CRY1: variants seen among roughly 807,000 people sequenced by gnomAD.
The protein encoded by CRY1 is cryptochrome-1.
In CRY1, 45 loss-of-function variants were observed where a neutral mutation model predicts 76.0. That is an observed-to-expected ratio of 0.59 (90% CI 0.47 to 0.76). The LOEUF is 0.76. Among genes scored for constraint, CRY1 ranks in the 30% least tolerant of loss-of-function variants. The pLI is 0.00. For missense variants in CRY1, 587 were observed against 716.4 expected (o/e 0.82, Z 2.06); for synonymous variants, 248 against 244.0 (o/e 1.02, Z -0.15).
rs1035159310 is a variant in CRY1, at chr12:107,093,518, G to A, written c.-557C>T. 2.6e-5 allele frequency: 4 copies of A among 152,334 alleles called. No homozygotes were observed. The highest frequency in any genetic ancestry group is 6.5e-5 in the Admixed American group (1 of 15,290). 9.4% of individuals were successfully genotyped at this position (152,334 alleles called of 1,614,324 possible). A position where few individuals can be genotyped will look rare whatever the true frequency, so the allele number is the denominator to read the frequency against. On this transcript the variant is annotated 5_prime_UTR_variant, in exon 1 of 13. Transcript: ENST00000008527. ...GAGGCCGCTGGACGGTTGCCGGCCG[G>A]TGACCGGTCCCGAGGCTGCCCGGGT... is the stretch of plus-strand genomic sequence containing the variant.
intron 2 of CRY1, among the ~76,000 whole-genome samples, chr12:107,014,262 G>C (rs1212178599): frequency 6.6e-6 from 1 of 152,172 alleles, no homozygotes; most frequent in Non-Finnish European, 1.5e-5. Context: ...CTGTCCACCA[G>C]GTGGCATAGA....
intron 2 of CRY1, among the ~76,000 whole-genome samples, chr12:107,009,563 CATATAT>C (rs869185018): frequency 6.4e-4 from 58 of 90,962 alleles, no homozygotes; most frequent in South Asian, 2.7e-3. Context: ...AACAAAAAAA[CATATAT>C]ATATATATAT....
At position 107,082,143 on chromosome 12, in the gene CRY1, A is replaced by G. The variant is rs1254504029; in HGVS notation, c.158+10661T>C. ...GTAAATGGATCAATGTAACAAGAAG[A>G]GCAAATTATCTTAAATATATATATG... On this transcript the variant is annotated intron_variant, in intron 1 of 12. Transcript: ENST00000008527. Among the ~76,000 whole-genome samples, 9 of 152,138 alleles carry G rather than the reference A, an allele frequency of 5.9e-5. No homozygotes were observed. The East Asian group carries it at 1.7e-3, about 29-fold the overall frequency.
chr12:107,022,998 C>T (rs910153978), intron 1 of CRY1, among the ~76,000 whole-genome samples: 1 of 151,984 alleles, frequency 6.6e-6, no homozygotes, highest in Non-Finnish European at 1.5e-5. Flanking sequence ...TCTTCTGTTG[C>T]GAAGAAATGG....
chr12:107,056,692 GACA>G (rs1201630485), intron 1 of CRY1, among the ~76,000 whole-genome samples: 3 of 151,990 alleles, frequency 2.0e-5, no homozygotes, highest in African/African-American at 4.8e-5. Context: ...TCTAGAGGAA[GACA>G]ACCTTATAAA....
At chr12:107,022,867 G>A (rs995165555) in intron 1 of CRY1, among the ~76,000 whole-genome samples, 1 of 151,008 alleles carries the variant, frequency 6.6e-6, no homozygotes, top group Non-Finnish European at 1.5e-5. Flanking sequence ...AAAAGAAAAG[G>A]TTTCATGGAG....
At chr12:107,059,174 C>T (rs1469570407) in intron 1 of CRY1, among the ~76,000 whole-genome samples, 1 of 152,140 alleles carries the variant, frequency 6.6e-6, no homozygotes, top group African/African-American at 2.4e-5. Flanking sequence ...CTAATATTTT[C>T]TAGTCTATTT....
intron 1 of CRY1, among the ~76,000 whole-genome samples, chr12:107,089,700 G>A (rs1953446666): frequency 6.6e-6 from 1 of 152,204 alleles, no homozygotes; most frequent in South Asian, 2.1e-4. Context: ...TCCCCCTGGA[G>A]TTGAAATCAC....
intron 2 of CRY1, 69 bp downstream of exon 2, chr12:107,022,010 CAAAAA>C: frequency 8.6e-7 from 1 of 1,163,494 alleles, no homozygotes; most frequent in South Asian, 1.5e-5. Context: ...TTCAATTAGT[CAAAAA>C]ACTTTATTTA....
At chr12:107,074,276 G>C (rs1953223981) in intron 1 of CRY1, among the ~76,000 whole-genome samples, 1 of 152,132 alleles carries the variant, frequency 6.6e-6, no homozygotes, top group Non-Finnish European at 1.5e-5. Context: ...AGGCTTGGCA[G>C]CACATTCTCT....
chr12:107,012,754 A>T (rs1452124963), intron 2 of CRY1, among the ~76,000 whole-genome samples: 2 of 152,226 alleles, frequency 1.3e-5, no homozygotes, highest in African/African-American at 4.8e-5. Flanking sequence ...CTTGTGATTC[A>T]TGGGAGGAGG....
At chr12:107,022,004 A>G (rs1468817584) in intron 2 of CRY1, 80 bp downstream of exon 2, 4 of 1,074,408 alleles carry the variant, frequency 3.7e-6, no homozygotes, top group African/African-American at 1.6e-5. Context: ...TACATTTTCA[A>G]TTAGTCAAAA....
Position 106,999,976 on chromosome 12 carries a change from A to G in CRY1, c.791T>C (p.Leu264Pro), listed in dbSNP as rs1242744354. 6 of 1,612,126 alleles carry G rather than the reference A, an allele frequency of 3.7e-6. No homozygotes were observed. Among genetic ancestry groups the G allele is most frequent in the Admixed American group, 1.7e-5 (1 of 59,550 alleles). Residue 264 changes from leucine to proline, a missense_variant, in exon 6 of 13, where the codon CTG becomes CCG. Transcript: ENST00000008527. Reference protein sequence around the residue: ...YLRFGCLSCRLFYFKLTDLYK... With the variant: ...YLRFGCLSCRPFYFKLTDLYK... The stretch of plus-strand genomic sequence containing the variant: ...GAGATCTGTTAGTTTGAAGTAAAAC[A>G]GTCGACATGACAAACAACCAAATCG...
intron 1 of CRY1, among the ~76,000 whole-genome samples, chr12:107,041,876 TC>T (rs1268900089): frequency 6.6e-6 from 1 of 151,994 alleles, no homozygotes; most frequent in Non-Finnish European, 1.5e-5. Context: ...TTAAATATCG[TC>T]CCCCAATAAG....
chr12:107,090,220 A>T (rs1953454400), intron 1 of CRY1, among the ~76,000 whole-genome samples: 1 of 151,752 alleles, frequency 6.6e-6, no homozygotes, highest in Non-Finnish European at 1.5e-5. Flanking sequence ...CTCCTCGAGT[A>T]GCTGGGATTA....
intron 10 of CRY1, among the ~76,000 whole-genome samples, chr12:106,995,159 A>G (rs760423706): frequency 2.0e-4 from 31 of 152,094 alleles, no homozygotes; most frequent in Non-Finnish European, 4.1e-4. Flanking sequence ...TTCTAGGATT[A>G]TTTCCCCAAA....
At chr12:107,028,075 A>G (rs1007609284) in intron 1 of CRY1, among the ~76,000 whole-genome samples, 1 of 152,208 alleles carries the variant, frequency 6.6e-6, no homozygotes, top group African/African-American at 2.4e-5. Flanking sequence ...AATATAAACT[A>G]AAATCACTAA....
intron 1 of CRY1, among the ~76,000 whole-genome samples, chr12:107,024,385 A>G (rs1952586294): frequency 6.6e-6 from 1 of 152,176 alleles, no homozygotes; most frequent in African/African-American, 2.4e-5. Context: ...CTGAATAAGC[A>G]TTCCGAATGC....
rs372814820 is a variant in CRY1 at position 107,086,809 on chromosome 12, A to ATTCTACTAGG, written c.158+5985_158+5994dup. Among the ~76,000 whole-genome samples, 110 of 152,344 alleles carry ATTCTACTAGG rather than the reference A, an allele frequency of 7.2e-4. 1 individual carries two copies. In the East Asian group the frequency reaches 0.018, roughly 25 times the overall value. On this transcript the variant is annotated intron_variant, in intron 1 of 12. Transcript: ENST00000008527. ...GCCACAGCAGAGCTCCTACAGAGAG[A>ATTCTACTAGG]TTCTACTAGGCTGGTGCCAAGGGGA...
Sources: gnomAD v4.1 joint callset for allele counts (sites outside exome capture counted in the v4.1 genomes callset) on GRCh38, gnomAD v4.1.1 for gene constraint, MANE v1.5 for transcripts, NCBI Gene and HGNC (gene_info 2026-07-23, HGNC 2026-07-21) for gene names.